The following SPATA3 variants were observed in gnomAD, a reference collection of about 807,000 sequenced individuals.
The protein encoded by SPATA3 is spermatogenesis-associated protein 3.
In SPATA3, 6 loss-of-function variants were observed where a neutral mutation model predicts 5.7. The observed-to-expected ratio is 1.06, with a 90% confidence interval of 0.58 to 2.09. The LOEUF (loss-of-function observed/expected upper bound fraction) is 2.09, where lower values mean the gene tolerates loss of function less well. Ranked by LOEUF, SPATA3 falls within the 30% of genes most tolerant of loss-of-function variation. The pLI is 0.00. For missense variants in SPATA3, 155 were observed against 130.4 expected (o/e 1.19, Z -0.92); for synonymous variants, 44 against 48.4 (o/e 0.91, Z 0.37).
At chr2:231,019,789 C>T (rs11686658) in exon 7 of SPATA3, 35,214 of 150,486 alleles carry the variant, frequency 0.23, 5,023 homozygotes, top group Non-Finnish European at 0.25. Context: ...AAGAACAAGC[C>T]ATCTGATGCC....
chr2:231,011,398 C>A (rs1464829522), downstream of SPATA3, among the ~76,000 whole-genome samples: 1 of 152,146 alleles, frequency 6.6e-6, no homozygotes, highest in African/African-American at 2.4e-5. Context: ...CCTCCGCACC[C>A]GGTCCAGTTG....
downstream of SPATA3, among the ~76,000 whole-genome samples, chr2:231,004,348 G>A (rs1245606218): frequency 2.0e-5 from 3 of 152,162 alleles, no homozygotes; most frequent in African/African-American, 4.8e-5. Context: ...GCTCACTGCT[G>A]GGGGGTCCCG....
At chr2:231,002,040 C>T (rs1692371880) in intron 2 of SPATA3, among the ~76,000 whole-genome samples, 1 of 152,146 alleles carries the variant, frequency 6.6e-6, no homozygotes, top group Admixed American at 6.5e-5. Flanking sequence ...GGAAAGTGAG[C>T]AGGGAGAGAC....
Position 231,015,991 on chromosome 2 carries a change from A to G in SPATA3, c.*565+1779A>G, listed in dbSNP as rs76200696. On this transcript the variant is annotated intron_variant, in intron 6 of 8. Transcript: ENST00000452881. ...TTCCAGCTGTGAAGTCCGGCTTGAA[A>G]ATAGAAGGTGGGAGCCTCACCTCTT... Among the ~76,000 whole-genome samples the G allele has an allele frequency of 2.6e-5, 4 of 152,330 alleles. No homozygotes were observed. In the East Asian group the frequency reaches 7.7e-4, roughly 29 times the overall value.
chr2:230,996,634 C>T (rs897708746), intron 1 of SPATA3, 100 bp downstream of exon 1: 51 of 1,402,708 alleles, frequency 3.6e-5, no homozygotes, highest in South Asian at 9.8e-5. Flanking sequence ...GCATGGTTAA[C>T]GTGTATCCTG....
intron 1 of SPATA3, among the ~76,000 whole-genome samples, chr2:230,997,197 G>A (rs140115131): frequency 3.3e-5 from 5 of 152,284 alleles, no homozygotes; most frequent in East Asian, 1.9e-4. Context: ...ATTGAATCAC[G>A]GGGGAGGGTC....
downstream of SPATA3, among the ~76,000 whole-genome samples, chr2:231,003,547 CACAGAGTTAG>C (rs1443176974): frequency 1.3e-5 from 2 of 152,210 alleles, no homozygotes; most frequent in Non-Finnish European, 2.9e-5. Context: ...AGAATGATGA[CACAGAGTTAG>C]TCTCAGCAGA....
intron 6 of SPATA3, among the ~76,000 whole-genome samples, chr2:231,017,984 G>A (rs1692974326): frequency 6.6e-6 from 1 of 151,828 alleles, no homozygotes; most frequent in African/African-American, 2.4e-5. Flanking sequence ...GAGTGCAGTG[G>A]CACAATCTCA....
In SPATA3 at chr2:230,996,883, G is replaced by A. The variant is rs374266735; in HGVS notation, c.791-3483G>A. 7.9e-5 allele frequency among the ~76,000 whole-genome samples: 12 copies of A among 152,320 alleles called. 1 individual carries two copies. Among genetic ancestry groups the A allele is most frequent in the Middle Eastern group, 3.4e-3 (1 of 294 alleles). On this transcript the variant is annotated intron_variant, in intron 1 of 2. Transcript: ENST00000645363. The stretch of plus-strand genomic sequence containing the variant: ...GAAGTATATGGTTTAGAATAAGGGA[G>A]GTGATGATACTGCTTTATTCTGTCC...
intron 1 of SPATA3, among the ~76,000 whole-genome samples, chr2:230,999,045 A>G (rs904840553): frequency 2.6e-5 from 4 of 152,228 alleles, no homozygotes; most frequent in Admixed American, 2.0e-4. Flanking sequence ...CCACAGTACA[A>G]TGAGTATGGT....
At chr2:231,013,039 T>C (rs1692828235) in intron 5 of SPATA3, among the ~76,000 whole-genome samples, 1 of 152,164 alleles carries the variant, frequency 6.6e-6, no homozygotes, top group African/African-American at 2.4e-5. Context: ...TTCATGACCA[T>C]GGGCTCCAAG....
chr2:230,999,617 G>T, intron 1 of SPATA3: 1 of 163,836 alleles, frequency 6.1e-6, no homozygotes. Flanking sequence ...AATCCAGCCA[G>T]AAATTATCTT....
At chr2:231,005,223 TCAC>T (rs1692530155), downstream of SPATA3, among the ~76,000 whole-genome samples, 1 of 96,450 alleles carries the variant, frequency 1.0e-5, no homozygotes, top group African/African-American at 3.9e-5. Context: ...ACCACCATCA[TCAC>T]CATCACCATC....
At chr2:231,002,136 A>T (rs1692375021) in intron 2 of SPATA3, among the ~76,000 whole-genome samples, 1 of 152,216 alleles carries the variant, frequency 6.6e-6, no homozygotes, top group African/African-American at 2.4e-5. Flanking sequence ...ATGGAGTGTA[A>T]TGTTGGCTCT....
At chr2:231,015,139 G>A (rs1048998901) in intron 6 of SPATA3, among the ~76,000 whole-genome samples, 21 of 152,048 alleles carry the variant, frequency 1.4e-4, no homozygotes, top group African/African-American at 5.1e-4. Context: ...GAGAGAGGGA[G>A]CACCAGCAAA....
chr2:230,996,138 A>G, intron 1 of SPATA3: 1 of 1,349,546 alleles, frequency 7.4e-7, no homozygotes, highest in Non-Finnish European at 9.9e-7. Context: ...GGCCCAAGCC[A>G]GGCTCCTAGG....
At chr2:230,997,214 G>A (rs115463837) in intron 1 of SPATA3, among the ~76,000 whole-genome samples, 2,782 of 152,302 alleles carry the variant, frequency 0.018, 79 homozygotes, top group African/African-American at 0.063. Context: ...GGTCTTTTCC[G>A]TGGTGTTCTC....
exon 3 of SPATA3, chr2:231,002,691 T>G: frequency 9.3e-6 from 14 of 1,511,474 alleles, no homozygotes; most frequent in East Asian, 2.6e-5. Flanking sequence ...CAGAAAATCT[T>G]CAAGAAAACC....
intron 6 of SPATA3, among the ~76,000 whole-genome samples, chr2:231,019,267 C>A (rs1693015855): frequency 6.6e-6 from 1 of 151,180 alleles, no homozygotes; most frequent in Non-Finnish European, 1.5e-5. Context: ...CCGTGCCAGG[C>A]CTCGATTTTT....
Sources: gnomAD v4.1 joint callset for allele counts (sites outside exome capture counted in the v4.1 genomes callset) on GRCh38, gnomAD v4.1.1 for gene constraint, MANE v1.5 for transcripts, NCBI Gene and HGNC (gene_info 2026-07-23, HGNC 2026-07-21) for gene names.